Variants in RBFOX1 observed in about 807,000 individuals in gnomAD.
RBFOX1 encodes the protein RNA binding fox-1 homolog 1.
In RBFOX1, 8 loss-of-function variants were observed where a neutral mutation model predicts 57.7. The observed-to-expected ratio is 0.14, with a 90% confidence interval of 0.08 to 0.25. The LOEUF is 0.25. RBFOX1 is among the 10% of genes least tolerant of loss of function. The pLI is 1.00. For missense variants in RBFOX1, 611 were observed against 548.5 expected (o/e 1.11, Z -1.14); for synonymous variants, 326 against 222.4 (o/e 1.47, Z -4.15).
chr16:7,690,748 C>T (rs543502353), intron 14 of RBFOX1, among the ~76,000 whole-genome samples: 1 of 152,032 alleles, frequency 6.6e-6, no homozygotes, highest in Non-Finnish European at 1.5e-5. Flanking sequence ...TCATCTGGGG[C>T]AAATGGCTTG....
intron 4 of RBFOX1, among the ~76,000 whole-genome samples, chr16:7,463,072 C>G (rs373023458): frequency 5.3e-5 from 8 of 152,310 alleles, no homozygotes; most frequent in Admixed American, 1.3e-4. Flanking sequence ...GCTCACAGTT[C>G]TAGATGCTGG....
intron 1 of RBFOX1, among the ~76,000 whole-genome samples, chr16:5,411,349 A>C (rs2067016787): frequency 6.6e-6 from 1 of 152,080 alleles, no homozygotes; most frequent in South Asian, 2.1e-4. Flanking sequence ...TCAGAGTCTG[A>C]ATGGAGGATG....
At chr16:5,268,366 T>C (rs1167247673) in intron 1 of RBFOX1, among the ~76,000 whole-genome samples, 1 of 152,222 alleles carries the variant, frequency 6.6e-6, no homozygotes, top group South Asian at 2.1e-4. Flanking sequence ...GTATGTGGAA[T>C]TGGAAATTTA....
At chr16:6,666,691 C>A (rs62017895) in intron 3 of RBFOX1, among the ~76,000 whole-genome samples, 9,269 of 152,214 alleles carry the variant, frequency 0.061, 326 homozygotes, top group African/African-American at 0.066. Flanking sequence ...GAAGAAAATA[C>A]GTCCCTTCTG....
At chr16:5,984,180 C>T (rs1320012150) in intron 4 of RBFOX1, among the ~76,000 whole-genome samples, 1 of 73,658 alleles carries the variant, frequency 1.4e-5, no homozygotes, top group African/African-American at 5.7e-5. Flanking sequence ...CTTCCCCTCC[C>T]CCTCCTCCTC....
chr16:7,513,702 C>T (rs190261134), intron 4 of RBFOX1, among the ~76,000 whole-genome samples: 10 of 152,274 alleles, frequency 6.6e-5, no homozygotes, highest in Admixed American at 5.9e-4. Context: ...CGGTATGAGG[C>T]GCCCAGCACA....
intron 3 of RBFOX1, among the ~76,000 whole-genome samples, chr16:6,656,268 C>G (rs2098650831): frequency 6.6e-6 from 1 of 152,140 alleles, no homozygotes; most frequent in South Asian, 2.1e-4. Flanking sequence ...TTCTCTTGGA[C>G]TTTTATGGAA....
At chr16:6,827,874 A>G (rs1477626574) in intron 3 of RBFOX1, among the ~76,000 whole-genome samples, 2 of 152,226 alleles carry the variant, frequency 1.3e-5, no homozygotes, top group African/African-American at 4.8e-5. Flanking sequence ...GCACTGGGCT[A>G]TTCTCCTGGG....
At chr16:6,355,356 C>A (rs1328475971) in intron 2 of RBFOX1, among the ~76,000 whole-genome samples, 2 of 151,970 alleles carry the variant, frequency 1.3e-5, no homozygotes, top group African/African-American at 4.8e-5. Flanking sequence ...CGTTGTTCAA[C>A]TCCCACTTAT....
intron 4 of RBFOX1, among the ~76,000 whole-genome samples, chr16:7,084,960 A>ATCTG (rs1382766238): frequency 6.6e-6 from 1 of 151,998 alleles, no homozygotes; most frequent in African/African-American, 2.4e-5. Flanking sequence ...CTATCTATGT[A>ATCTG]TCTGTCTGTC....
chr16:6,688,041 C>G (rs752448443), intron 3 of RBFOX1, among the ~76,000 whole-genome samples: 1 of 152,178 alleles, frequency 6.6e-6, no homozygotes, highest in Non-Finnish European at 1.5e-5. Context: ...TTGTATTAGT[C>G]CATTCTTGCA....
At chr16:6,712,888 T>G (rs1396127925) in intron 3 of RBFOX1, among the ~76,000 whole-genome samples, 1 of 86,720 alleles carries the variant, frequency 1.2e-5, no homozygotes, top group Non-Finnish European at 2.5e-5. Flanking sequence ...GGGGTGTTTT[T>G]TTTTTTTTTT....
intron 1 of RBFOX1, among the ~76,000 whole-genome samples, chr16:5,275,691 A>G (rs1054114715): frequency 2.6e-5 from 4 of 152,216 alleles, no homozygotes; most frequent in African/African-American, 4.8e-5. Context: ...AACAATGCCA[A>G]AATTCATCTG....
intron 2 of RBFOX1, among the ~76,000 whole-genome samples, chr16:6,541,406 T>G (rs549107322): frequency 6.6e-6 from 1 of 152,352 alleles, no homozygotes; most frequent in Non-Finnish European, 1.5e-5. Flanking sequence ...TGAGCAGCAC[T>G]GGACAGTTCC....
chr16:5,858,442 G>A (rs570371185), intron 3 of RBFOX1, among the ~76,000 whole-genome samples: 54 of 152,228 alleles, frequency 3.5e-4, no homozygotes, highest in Non-Finnish European at 6.3e-4. Flanking sequence ...AACTTCAAGG[G>A]CAAACCAAGG....
chr16:7,530,187 G>C (rs545218397), intron 5 of RBFOX1, among the ~76,000 whole-genome samples: 2 of 152,198 alleles, frequency 1.3e-5, no homozygotes, highest in South Asian at 4.2e-4. Flanking sequence ...CTCAGGTTCA[G>C]AGACAGAAAG....
chr16:5,949,633 C>G (rs1426444493), intron 4 of RBFOX1, among the ~76,000 whole-genome samples: 1 of 151,834 alleles, frequency 6.6e-6, no homozygotes, highest in Non-Finnish European at 1.5e-5. Context: ...GGGTCACCCA[C>G]TCTTTTCTTG....
intron 14 of RBFOX1, among the ~76,000 whole-genome samples, chr16:7,680,940 C>A (rs531069087): frequency 2.6e-5 from 4 of 152,116 alleles, no homozygotes; most frequent in South Asian, 4.1e-4. Context: ...TGGGGCCTCA[C>A]AAGGGACTTA....
chr16:6,077,684 T>TTTTATTTATTTATTTATTTATTTA (rs371733627), intron 1 of RBFOX1, among the ~76,000 whole-genome samples: 262 of 142,734 alleles, frequency 1.8e-3, no homozygotes, highest in South Asian at 6.7e-3. Context: ...CTTCTTTTAT[T>TTTTATTTATTTATTTATTTATTTA]TTTACTTATT....
Sources: gnomAD v4.1 joint callset for allele counts (sites outside exome capture counted in the v4.1 genomes callset) on GRCh38, gnomAD v4.1.1 for gene constraint, MANE v1.5 for transcripts, NCBI Gene and HGNC (gene_info 2026-07-23, HGNC 2026-07-21) for gene names.